Variants in TRMT11 observed in about 807,000 individuals in gnomAD.
TRMT11 encodes the protein tRNA (guanine(10)-N(2))-methyltransferase TRMT11.
In TRMT11, 53 loss-of-function variants were observed where a neutral mutation model predicts 62.8. That is an observed-to-expected ratio of 0.84 (90% CI 0.68 to 1.06). The LOEUF (loss-of-function observed/expected upper bound fraction) is 1.06, where lower values mean the gene tolerates loss of function less well. Ranked by LOEUF, TRMT11 falls within the 50% of genes least tolerant of loss-of-function variation. TRMT11 has a pLI of 0.00. For synonymous variants in TRMT11, 188 were observed against 190.3 expected, an observed-to-expected ratio of 0.99 and a Z score of 0.10; for missense variants, 556 against 553.4, an observed-to-expected ratio of 1.00 and a Z score of -0.05.
intron 17 of TRMT11, among the ~76,000 whole-genome samples, chr6:126,067,484 A>G (rs1310746426): frequency 6.6e-6 from 1 of 152,180 alleles, no homozygotes; most frequent in East Asian, 1.9e-4. Flanking sequence ...TTGAAGATTC[A>G]TTTATATTGT....
At chr6:125,996,511 A>G (rs767312281) in intron 3 of TRMT11, among the ~76,000 whole-genome samples, 49 of 152,214 alleles carry the variant, frequency 3.2e-4, no homozygotes, top group Non-Finnish European at 4.1e-4. Context: ...CTTGGTGTGA[A>G]TTAATGTAAT....
At chr6:126,256,981 T>A in the TRMT11 span, among the ~76,000 whole-genome samples, 4 of 151,704 alleles carry the variant, frequency 2.6e-5, no homozygotes, top group African/African-American at 9.7e-5. Flanking sequence ...CACCTCCCAG[T>A]TTCTAGTGAT....
chr6:126,045,219 C>G (rs1003426800), intron 16 of TRMT11, among the ~76,000 whole-genome samples: 1 of 151,904 alleles, frequency 6.6e-6, no homozygotes, highest in Admixed American at 6.6e-5. Context: ...ATTGTCATGC[C>G]CTGCTTACTG....
upstream of TRMT11, among the ~76,000 whole-genome samples, chr6:126,174,076 T>C (rs969741216): frequency 2.6e-5 from 4 of 152,160 alleles, no homozygotes; most frequent in Admixed American, 6.5e-5. Context: ...ATGTTTTTAT[T>C]TGGAGCACTG....
downstream of TRMT11, among the ~76,000 whole-genome samples, chr6:126,207,954 A>T (rs1277894522): frequency 2.6e-5 from 4 of 152,232 alleles, no homozygotes; most frequent in Admixed American, 2.6e-4. Flanking sequence ...AGCCCATTTA[A>T]AACTGAACAT....
intron 21 of TRMT11, among the ~76,000 whole-genome samples, chr6:126,164,604 G>A (rs1454201325): frequency 6.6e-6 from 1 of 152,124 alleles, no homozygotes; most frequent in South Asian, 2.1e-4. Flanking sequence ...TATTGTATGC[G>A]AGTTGAAGTC....
chr6:126,127,928 C>A (rs1777737364), intron 21 of TRMT11, among the ~76,000 whole-genome samples: 1 of 152,004 alleles, frequency 6.6e-6, no homozygotes, highest in Admixed American at 6.6e-5. Context: ...TTCCCTCTAT[C>A]CTGGGATTCT....
At position 126,078,461 on chromosome 6, in the gene TRMT11, A is replaced by G. The variant is rs183093012; in HGVS notation, c.*1437+25271A>G. Among the ~76,000 whole-genome samples the G allele has an allele frequency of 2.4e-5, 3 of 124,114 alleles. No homozygotes were observed. In the East Asian group the frequency reaches 6.8e-4, roughly 28 times the overall value. 81.4% of individuals were successfully genotyped at this position (124,114 alleles called of 152,430 possible). On this transcript the variant is annotated intron_variant and NMD_transcript_variant, in intron 17 of 22. Transcript: ENST00000648977. The stretch of plus-strand genomic sequence containing the variant: ...CTTCCGTTCCTGATTTCATTTTGTT[A>G]TTCTTTTTAAAATTCCATCACTAAT...
At chr6:126,010,082 C>G (rs1793952123) in intron 8 of TRMT11, among the ~76,000 whole-genome samples, 1 of 151,796 alleles carries the variant, frequency 6.6e-6, no homozygotes, top group Non-Finnish European at 1.5e-5. Context: ...CTTTGTTTTC[C>G]TTTTCCATTT....
At chr6:126,186,951 A>T (rs1355601493) in intron 1 of TRMT11, among the ~76,000 whole-genome samples, 1 of 152,040 alleles carries the variant, frequency 6.6e-6, no homozygotes, top group Admixed American at 6.6e-5. Context: ...TTTCTCTGTA[A>T]ACTAGTATTT....
intron 1 of TRMT11, among the ~76,000 whole-genome samples, chr6:125,991,242 T>C (rs900823894): frequency 1.4e-5 from 2 of 142,796 alleles, no homozygotes; most frequent in Non-Finnish European, 3.0e-5. Context: ...TGAGACTCCA[T>C]CTCAAAAAAA....
At chr6:126,129,382 A>G (rs1182002520) in intron 21 of TRMT11, among the ~76,000 whole-genome samples, 1 of 152,092 alleles carries the variant, frequency 6.6e-6, no homozygotes, top group African/African-American at 2.4e-5. Context: ...ACTAATGTTA[A>G]CTTTTTATTT....
At chr6:126,029,886 T>A (rs1464710595) in intron 12 of TRMT11, among the ~76,000 whole-genome samples, 2 of 151,950 alleles carry the variant, frequency 1.3e-5, no homozygotes, top group Admixed American at 6.6e-5. Context: ...ATCCCCAATG[T>A]TTTTTTTATA....
intron 21 of TRMT11, among the ~76,000 whole-genome samples, chr6:126,139,055 C>T (rs766514090): frequency 3.3e-5 from 5 of 151,944 alleles, no homozygotes; most frequent in African/African-American, 4.8e-5. Flanking sequence ...TATGGACCTG[C>T]ATTTGATGTG....
At chr6:126,220,766 T>C in the TRMT11 span, among the ~76,000 whole-genome samples, 1 of 152,190 alleles carries the variant, frequency 6.6e-6, no homozygotes, top group Admixed American at 6.5e-5. Context: ...ATTTTTTTTT[T>C]TCCAACTTTT....
chr6:126,191,272 A>C (rs897774388), intron 1 of TRMT11, among the ~76,000 whole-genome samples: 1 of 151,972 alleles, frequency 6.6e-6, no homozygotes, highest in Non-Finnish European at 1.5e-5. Flanking sequence ...TCTTTTGTGT[A>C]TTTTAAAATC....
intron 17 of TRMT11, among the ~76,000 whole-genome samples, chr6:126,111,637 T>A (rs1257779164): frequency 1.3e-5 from 2 of 152,120 alleles, no homozygotes; most frequent in Non-Finnish European, 2.9e-5. Flanking sequence ...ACTCACGTAT[T>A]ATTTCTGCAG....
chr6:126,258,055 C>G, the TRMT11 span: 3 of 1,243,956 alleles, frequency 2.4e-6, no homozygotes, highest in South Asian at 3.6e-5. Flanking sequence ...TCCTCACTCT[C>G]CATGTCCAGG....
At chr6:126,145,749 G>A (rs142450904) in intron 21 of TRMT11, among the ~76,000 whole-genome samples, 47 of 152,224 alleles carry the variant, frequency 3.1e-4, no homozygotes, top group African/African-American at 8.4e-4. Flanking sequence ...TCCATTTTAT[G>A]TTTTGTATAA....
Sources: allele counts gnomAD v4.1 joint callset (sites outside exome capture counted in the v4.1 genomes callset), GRCh38; gene constraint gnomAD v4.1.1; transcripts MANE v1.5; gene names NCBI Gene and HGNC (gene_info 2026-07-23, HGNC 2026-07-21).